FUBP3: variants seen among roughly 807,000 people sequenced by gnomAD.
FUBP3 encodes far upstream element-binding protein 3.
FUBP3 carries 28 observed loss-of-function variants against 85.6 expected under a neutral mutation model. That is an observed-to-expected ratio of 0.33 (90% CI 0.24 to 0.45). The LOEUF (loss-of-function observed/expected upper bound fraction) is 0.45. FUBP3 is among the 20% of genes least tolerant of loss of function. FUBP3 has a pLI of 1.00. For missense variants in FUBP3, 583 were observed against 755.1 expected, an observed-to-expected ratio of 0.77 and a Z score of 2.67; for synonymous variants, 271 against 271.4, an observed-to-expected ratio of 1.00 and a Z score of 0.01.
intron 12 of FUBP3, 23 bp from the exon 13 acceptor site, chr9:130,630,605 T>C: frequency 6.4e-7 from 1 of 1,559,990 alleles, no homozygotes; most frequent in Non-Finnish European, 8.7e-7. Flanking sequence ...CTTACTCTTC[T>C]GCCTGTGTTG....
chr9:130,598,590 G>T (rs1830980933), intron 2 of FUBP3, among the ~76,000 whole-genome samples: 1 of 152,228 alleles, frequency 6.6e-6, no homozygotes, highest in South Asian at 2.1e-4. Flanking sequence ...AGGCAAAAAT[G>T]CAGTTAATGC....
chr9:130,592,395 CAAAGGCAA>C (rs1830665139), intron 1 of FUBP3, among the ~76,000 whole-genome samples: 1 of 152,190 alleles, frequency 6.6e-6, no homozygotes, highest in Non-Finnish European at 1.5e-5. Context: ...ACTCTAATTA[CAAAGGCAA>C]GTGGTTCACC....
intron 1 of FUBP3, among the ~76,000 whole-genome samples, chr9:130,589,377 T>C (rs1032002777): frequency 2.1e-5 from 3 of 145,700 alleles, no homozygotes; most frequent in Non-Finnish European, 3.0e-5. Context: ...GGAGTCTCGC[T>C]CTTGTCCCCA....
chr9:130,616,655 C>A lies in FUBP3; in HGVS notation c.567+138C>A. The A allele has an allele frequency of 1.3e-6, 1 of 744,972 alleles. No homozygotes were observed. Among genetic ancestry groups the A allele is most frequent in the African/African-American group, 1.7e-5 (1 of 57,384 alleles). 46.1% of individuals were successfully genotyped at this position (744,972 alleles called of 1,614,324 possible). A position where few individuals can be genotyped will look rare whatever the true frequency, so the allele number is the denominator to read the frequency against. ...GCATTGTGCTGAGGCTTCCTTCCTC[C>A]ATTTGACAGACAGCTTCTGAACATA... is the stretch of plus-strand genomic sequence containing the variant. On this transcript the variant is annotated intron_variant, in intron 7 of 18. Transcript: ENST00000319725. The surrounding 1 kb of genome is among the most constrained non-coding windows in gnomAD (Gnocchi z 4.7).
intron 12 of FUBP3, among the ~76,000 whole-genome samples, chr9:130,627,021 G>C (rs1830006256): frequency 6.6e-6 from 1 of 152,218 alleles, no homozygotes; most frequent in African/African-American, 2.4e-5. Flanking sequence ...TCTGTGGAGG[G>C]AAATAAACAT....
chr9:130,628,932 G>C (rs1830101738), intron 12 of FUBP3, among the ~76,000 whole-genome samples: 1 of 152,092 alleles, frequency 6.6e-6, no homozygotes, highest in African/African-American at 2.4e-5. Context: ...ACCACACCTG[G>C]CTAATTTTGT....
intron 2 of FUBP3, among the ~76,000 whole-genome samples, chr9:130,600,311 C>T (rs1831093973): frequency 6.6e-6 from 1 of 152,124 alleles, no homozygotes; most frequent in Non-Finnish European, 1.5e-5. Flanking sequence ...TAAAGACTGG[C>T]TTCATTTCCC....
rs1320608266 is a variant in FUBP3 at position 130,636,048 on chromosome 9, A to G, written c.1632A>G (p.Thr544=). ...APQASSPPDY[T]MAWAEYYRQQ... is the part of the protein sequence containing the mutation. ...AGGCCAGCTCCCCACCGGACTACAC[A>G]ATGGCCTGGGCAGAATATTACAGAC... is the stretch of plus-strand genomic sequence containing the variant. Residue 544 remains threonine, a synonymous_variant, in exon 18 of 19, where the codon ACA becomes ACG. Transcript: ENST00000319725. The G allele has an allele frequency of 1.2e-6, 2 of 1,613,860 alleles. No individual in the cohort carries two copies. Among genetic ancestry groups the G allele is most frequent in the Non-Finnish European group, 8.5e-7 (1 of 1,179,874 alleles).
chr9:130,632,698 C>G (rs1027873859), intron 16 of FUBP3, among the ~76,000 whole-genome samples: 4 of 152,252 alleles, frequency 2.6e-5, no homozygotes, highest in African/African-American at 4.8e-5. Flanking sequence ...TTCCTCTCCC[C>G]TCTCAGGCTT....
chr9:130,586,466 G>C (rs927723075), intron 1 of FUBP3, among the ~76,000 whole-genome samples: 3 of 149,616 alleles, frequency 2.0e-5, no homozygotes, highest in African/African-American at 7.4e-5. Context: ...CAGTGGCGCA[G>C]TCTCAGCTCA....
intron 2 of FUBP3, among the ~76,000 whole-genome samples, chr9:130,607,339 T>C (rs1176182804): frequency 1.3e-5 from 2 of 151,934 alleles, no homozygotes; most frequent in African/African-American, 4.8e-5. Context: ...TCAGAAAGAA[T>C]TTATGATATC....
intron 2 of FUBP3, among the ~76,000 whole-genome samples, chr9:130,605,257 C>T (rs1831363642): frequency 6.6e-6 from 1 of 152,204 alleles, no homozygotes; most frequent in Non-Finnish European, 1.5e-5. Context: ...TCTGCCTTCC[C>T]TGCTAGACTG....
rs556887131 is a variant in FUBP3, at chr9:130,605,659, T to C, written c.191-4295T>C. 2.6e-5 allele frequency among the ~76,000 whole-genome samples: 4 copies of C among 152,334 alleles called. No individual in the cohort carries two copies. The South Asian group carries it at 8.3e-4, about 32-fold the overall frequency. ...TGGCTGGGGGTGGTGGTCTTTCCAC[T>C]CACAGAAGCTTACAGTAGACTACAA... On this transcript the variant is annotated intron_variant, in intron 2 of 18. Transcript: ENST00000319725.
Position 130,631,583 on chromosome 9 carries a change from C to A in FUBP3, c.1305C>A (p.Ala435=). The change falls in exon 14 of 19, where the codon GCC becomes GCA. Residue 435 remains alanine (A), a synonymous_variant. Transcript: ENST00000319725. ...GGACCAATCTCGGAGCACCTGGAGC[C>A]TTCGGACAGAGTCCATTCAGCCAGC... The part of the protein sequence containing the change: ...VGGTNLGAPG[A]FGQSPFSQPP... 6.2e-6 allele frequency: 10 copies of A among 1,614,026 alleles called. No homozygotes were observed. Among genetic ancestry groups the A allele is most frequent in the Non-Finnish European group, 8.5e-6 (10 of 1,179,890 alleles).
intron 11 of FUBP3, among the ~76,000 whole-genome samples, chr9:130,625,760 CT>C (rs1829945754): frequency 6.6e-6 from 1 of 152,226 alleles, no homozygotes. Context: ...GGCAGGTTCC[CT>C]CTGTTCCTCC....
intron 2 of FUBP3, among the ~76,000 whole-genome samples, chr9:130,600,490 T>C (rs957160567): frequency 1.3e-5 from 2 of 152,124 alleles, no homozygotes; most frequent in Non-Finnish European, 2.9e-5. Flanking sequence ...AATTAGAGGT[T>C]GGCAAGCTTT....
At chr9:130,631,662 A>G (rs1332891344) in intron 14 of FUBP3, 32 bp downstream of exon 14, 1 of 1,522,916 alleles carries the variant, frequency 6.6e-7, no homozygotes, top group Admixed American at 1.7e-5. Flanking sequence ...TGCCTGGGAG[A>G]ATTCACTCGC....
chr9:130,595,668 A>T (rs998385812), intron 2 of FUBP3, 80 bp downstream of exon 2: 9 of 771,838 alleles, frequency 1.2e-5, no homozygotes, highest in Non-Finnish European at 1.9e-5. Context: ...CCATTACCTT[A>T]ACGACTCTCT....
At chr9:130,581,518 G>A (rs1003153218) in intron 1 of FUBP3, 3 of 152,202 alleles carry the variant, frequency 2.0e-5, no homozygotes, top group Non-Finnish European at 4.4e-5. Flanking sequence ...AACCAGGTTG[G>A]TGGGTAATTT....
Sources: gnomAD v4.1 joint callset for allele counts (sites outside exome capture counted in the v4.1 genomes callset) on GRCh38, gnomAD v4.1.1 for gene constraint, Gnocchi (gnomAD v3.1) non-coding constraint, MANE v1.5 for transcripts, NCBI Gene and HGNC (gene_info 2026-07-23, HGNC 2026-07-21) for gene names.